EXPH5: variants seen among roughly 807,000 people sequenced by gnomAD.
The protein encoded by EXPH5 is exophilin-5.
Under a neutral mutation model 41.1 loss-of-function variants are expected in EXPH5, and 42 were observed. That is an observed-to-expected ratio of 1.02 (90% CI 0.80 to 1.32). The LOEUF (loss-of-function observed/expected upper bound fraction) is 1.32, where lower values mean the gene tolerates loss of function less well. EXPH5 is among the 40% of genes most tolerant of loss of function. The pLI is 0.00. For synonymous variants in EXPH5, 798 were observed against 833.5 expected, an observed-to-expected ratio of 0.96 and a Z score of 0.73; for missense variants, 2,298 against 2,314.5, an observed-to-expected ratio of 0.99 and a Z score of 0.15.
intron 1 of EXPH5, among the ~76,000 whole-genome samples, chr11:108,586,979 CGACCT>C (rs2094115205): frequency 6.6e-6 from 1 of 152,096 alleles, no homozygotes; most frequent in South Asian, 2.1e-4. Context: ...ACAGAAAAAC[CGACCT>C]GAATGAAGGT....
At chr11:108,535,900 C>A (rs1440833605) in intron 3 of EXPH5, among the ~76,000 whole-genome samples, 1 of 152,150 alleles carries the variant, frequency 6.6e-6, no homozygotes, top group Non-Finnish European at 1.5e-5. Flanking sequence ...GAGAAGACTG[C>A]ATGTATAAGC....
the EXPH5 span, among the ~76,000 whole-genome samples, chr11:108,602,438 TC>T: frequency 6.6e-6 from 1 of 152,218 alleles, no homozygotes; most frequent in East Asian, 1.9e-4. Context: ...GAGGGGTGTA[TC>T]CAATGTAGAT....
chr11:108,539,485 T>C (rs1438478739), intron 2 of EXPH5, among the ~76,000 whole-genome samples: 1 of 152,192 alleles, frequency 6.6e-6, no homozygotes, highest in Non-Finnish European at 1.5e-5. Context: ...AGGGACCCCA[T>C]TCAATTCTCA....
chr11:108,566,802 T>C (rs954198263), intron 1 of EXPH5, among the ~76,000 whole-genome samples: 9 of 152,206 alleles, frequency 5.9e-5, no homozygotes, highest in African/African-American at 2.2e-4. Context: ...TTCTGGAGGC[T>C]TCCTATGCTC....
rs115321903 is a variant in EXPH5 at position 108,506,308 on chromosome 11, A to C, written c.*3229T>G. The C allele has an allele frequency of 2.2e-4, 34 of 152,362 alleles. No homozygotes were observed. The highest frequency in any genetic ancestry group is 7.7e-4 in the African/African-American group (32 of 41,576). The allele number at this position is 152,362 out of a possible 1,614,324, so 9.4% of individuals were successfully genotyped here. On this transcript the variant is annotated 3_prime_UTR_variant, in exon 6 of 6. Transcript: ENST00000265843. ...TAACAAGTGCTTTATAAAAGTATAAAATTATAAAAGGTGCTATTTTCATGA... is the reference window on the plus strand; with the variant it reads ...TAACAAGTGCTTTATAAAAGTATAACATTATAAAAGGTGCTATTTTCATGA...
intron 1 of EXPH5, among the ~76,000 whole-genome samples, chr11:108,557,562 G>T (rs1185971727): frequency 6.6e-6 from 1 of 152,116 alleles, no homozygotes; most frequent in Non-Finnish European, 1.5e-5. Context: ...TGGCCAGGCT[G>T]GTCTTGAACT....
intron 1 of EXPH5, among the ~76,000 whole-genome samples, chr11:108,547,646 A>G (rs1377883827): frequency 6.6e-6 from 1 of 152,106 alleles, no homozygotes; most frequent in Non-Finnish European, 1.5e-5. Context: ...TATTTTTCTA[A>G]TATTTTGGTG....
intron 4 of EXPH5, among the ~76,000 whole-genome samples, chr11:108,525,808 A>G (rs922828949): frequency 3.3e-5 from 5 of 152,148 alleles, no homozygotes. Flanking sequence ...AGAGAAATCT[A>G]CACGTCATGC....
At chr11:108,605,906 A>C in the EXPH5 span, among the ~76,000 whole-genome samples, 1 of 152,220 alleles carries the variant, frequency 6.6e-6, no homozygotes, top group African/African-American at 2.4e-5. Context: ...CTCCATCCTC[A>C]GCCCTTTTTA....
Position 108,513,575 on chromosome 11 carries a change from G to A in EXPH5, c.1932C>T (p.Pro644=), listed in dbSNP as rs2093699529. ...ISDDRRNPQS[P]NLQNPTVTLQ... ...AAGTGACTGTGGGATTCTGCAAGTT[G>A]GGACTCTGAGGATTCCTTCTGTCAT... is the stretch of plus-strand genomic sequence containing the variant. Residue 644 remains proline (P), a synonymous_variant, in exon 6 of 6, where the codon CCC becomes CCT. Transcript: ENST00000265843. 1.9e-6 allele frequency: 3 copies of A among 1,613,982 alleles called. No homozygotes were observed. In the African/African-American group the frequency reaches 4.0e-5, roughly 22 times the overall value.
chr11:108,583,298 C>T (rs536950139), intron 1 of EXPH5, among the ~76,000 whole-genome samples: 16 of 151,476 alleles, frequency 1.1e-4, no homozygotes, highest in Non-Finnish European at 1.9e-4. Context: ...AGGAGAATGG[C>T]GTGAACCCGA....
intron 1 of EXPH5, 80 bp from the exon 2 acceptor site, chr11:108,541,892 T>C (rs2136033559): frequency 8.4e-7 from 1 of 1,192,766 alleles, no homozygotes; most frequent in East Asian, 2.4e-5. Flanking sequence ...TGTACTTTTT[T>C]TTTGATATGG....
chr11:108,521,268 T>G (rs1032440803), intron 4 of EXPH5, among the ~76,000 whole-genome samples: 4 of 152,198 alleles, frequency 2.6e-5, no homozygotes, highest in Non-Finnish European at 4.4e-5. Flanking sequence ...ATAACAGGTC[T>G]GTCTGATTCC....
At position 108,513,820 on chromosome 11, in the gene EXPH5, T is replaced by C. The variant is rs763248592; in HGVS notation, c.1687A>G (p.Met563Val). The change falls in exon 6 of 6, where the codon ATG becomes GTG. Residue 563 changes from methionine to valine, a missense_variant. Transcript: ENST00000265843. ...FDFQRSTLDS[M>V]VVSHGNETQL... ...GTCTCATTACCATGTGATACCACCA[T>C]GCTATCCAGTGTGGATCTCTGAAAA... 15 of 1,605,646 alleles carry C rather than the reference T, an allele frequency of 9.3e-6. No individual in the cohort carries two copies. In the Middle Eastern group the frequency reaches 6.6e-4, roughly 71 times the overall value.
chr11:108,606,697 G>A, the EXPH5 span, among the ~76,000 whole-genome samples: 2 of 152,022 alleles, frequency 1.3e-5, no homozygotes, highest in Non-Finnish European at 2.9e-5. Flanking sequence ...ACCCCTGCCT[G>A]ATGACACCCT....
chr11:108,597,820 A>G (rs923861950), upstream of EXPH5, among the ~76,000 whole-genome samples: 1 of 152,218 alleles, frequency 6.6e-6, no homozygotes. Context: ...AAAAAGACCA[A>G]AGAAATTTGT....
chr11:108,600,596 G>A, the EXPH5 span, among the ~76,000 whole-genome samples: 2 of 152,048 alleles, frequency 1.3e-5, no homozygotes, highest in Non-Finnish European at 2.9e-5. Context: ...CTAGTGTCTG[G>A]GTGGAAGACT....
At chr11:108,604,549 C>T in the EXPH5 span, among the ~76,000 whole-genome samples, 1 of 152,162 alleles carries the variant, frequency 6.6e-6, no homozygotes, top group Admixed American at 6.5e-5. Context: ...AATTAGAACT[C>T]AGAAGATTTT....
chr11:108,605,073 TC>T, the EXPH5 span, among the ~76,000 whole-genome samples: 2 of 152,108 alleles, frequency 1.3e-5, no homozygotes, highest in African/African-American at 4.8e-5. Flanking sequence ...TGGGATGGGT[TC>T]TTAGCCAACA....
Sources: allele counts gnomAD v4.1 joint callset (sites outside exome capture counted in the v4.1 genomes callset), GRCh38; gene constraint gnomAD v4.1.1; transcripts MANE v1.5; gene names NCBI Gene and HGNC (gene_info 2026-07-23, HGNC 2026-07-21).